PLXND1: variants seen among roughly 807,000 people sequenced by gnomAD.
PLXND1 encodes plexin-D1.
In PLXND1, 54 loss-of-function variants were observed where a neutral mutation model predicts 197.7. The ratio of observed to expected loss-of-function variants is 0.27; its 90% CI spans 0.22 to 0.34. PLXND1 has a LOEUF of 0.34. Among genes scored for constraint, PLXND1 ranks in the 10% least tolerant of loss-of-function variants. The pLI, the probability that PLXND1 is intolerant of heterozygous loss-of-function variation, is 1.00. For synonymous variants in PLXND1, 1,180 were observed against 1,161.2 expected (o/e 1.02, Z -0.33); for missense variants, 2,127 against 2,699.2 (o/e 0.79, Z 4.70).
chr3:129,605,881 G>A lies in PLXND1; in HGVS notation c.759C>T (p.Phe253=), dbSNP rs776115608. ...CGTCGGAGGGGTTGAGGTCGAAGGT[G>A]AAGAGCTTGGCCAGGTCGCCGCGCG... ...LDTRGDLAKL[F]TFDLNPSDDN... The change falls in exon 1 of 36, where the codon TTC becomes TTT. Residue 253 remains phenylalanine (F), a synonymous_variant. Coordinates refer to ENST00000324093, the MANE Select transcript of PLXND1 (RefSeq NM_015103.3). The A allele has an allele frequency of 6.2e-7, 1 of 1,613,586 alleles. No homozygotes were observed. The highest frequency in any genetic ancestry group is 8.5e-7 in the Non-Finnish European group (1 of 1,179,926).
Position 129,584,178 on chromosome 3 carries a change from GGCC to G in PLXND1, c.2082_2084del (p.Lys694_Ala695delinsAsn). The G allele has an allele frequency of 6.3e-7, 1 of 1,581,376 alleles. No individual in the cohort carries two copies. The highest frequency in any genetic ancestry group is 8.6e-7 in the Non-Finnish European group (1 of 1,162,172). On this transcript the variant is annotated inframe_deletion, in exon 7 of 36. Coordinates refer to ENST00000324093, the MANE Select transcript of PLXND1 (RefSeq NM_015103.3). ...GGCTGCAGTCGTAGATGGTGAAATT[GGCC>G]TTGACGATGTTCCGCCCATTGACCC...
At position 129,606,076 on chromosome 3, in the gene PLXND1, G is replaced by A. The variant is rs754011473; in HGVS notation, c.564C>T (p.Asn188=). 1.9e-6 allele frequency: 3 copies of A among 1,561,016 alleles called. No individual in the cohort carries two copies. The East Asian group carries it at 7.0e-5, about 37-fold the overall frequency. ...GCAGAACTAGCCCCACGGTGGACGC[G>A]TTCGGGTGGTTGGCCGCCACGTTCA... The part of the protein sequence containing the change: ...SMLNVAANHP[N]ASTVGLVLPP... Residue 188 remains asparagine, a synonymous_variant, in exon 1 of 36, where the codon AAC becomes AAT. Coordinates refer to ENST00000324093, the MANE Select transcript of PLXND1 (RefSeq NM_015103.3).
chr3:129,556,783 C>A, intron 34 of PLXND1, 92 bp from the exon 35 acceptor site: 1 of 898,466 alleles, frequency 1.1e-6, no homozygotes, highest in Non-Finnish European at 1.8e-6. Context: ...CAATCCCCAA[C>A]TCCCCACGGC....
chr3:129,605,487 GAGC>G lies in PLXND1; in HGVS notation c.1150_1152del (p.Ala384del). ...AAGCGGAAGGCGCAGAGTGCGGCCGGAGCAGCGCGGGCCGCGGGGGACCCCTGG... is the reference window on the plus strand; with the variant it reads ...AAGCGGAAGGCGCAGAGTGCGGCCGGAGCGCGGGCCGCGGGGGACCCCTGG... On this transcript the variant is annotated inframe_deletion, in exon 1 of 36. Transcript: ENST00000324093. 1 of 1,494,812 alleles carries G rather than the reference GAGC, an allele frequency of 6.7e-7. No homozygotes were observed. Among genetic ancestry groups the G allele is most frequent in the South Asian group, 1.3e-5 (1 of 78,308 alleles). The allele number at this position is 1,494,812 out of a possible 1,614,324, so 92.6% of individuals were successfully genotyped here.
chr3:129,596,408 C>G (rs549214669), intron 1 of PLXND1, among the ~76,000 whole-genome samples: 145 of 152,312 alleles, frequency 9.5e-4, no homozygotes, highest in Middle Eastern at 3.4e-3. Flanking sequence ...CCTAGACACC[C>G]AGCTCCCCCT....
intron 8 of PLXND1, among the ~76,000 whole-genome samples, chr3:129,583,012 C>T (rs572698698): frequency 6.6e-5 from 10 of 152,176 alleles, no homozygotes; most frequent in Non-Finnish European, 1.2e-4. Context: ...CGCCACTGCT[C>T]GTGCAGAAAC....
chr3:129,581,096 G>A (rs1454082499), intron 8 of PLXND1, among the ~76,000 whole-genome samples: 1 of 152,108 alleles, frequency 6.6e-6, no homozygotes, highest in Non-Finnish European at 1.5e-5. Flanking sequence ...GGAGACTCAG[G>A]CCCTAGCACC....
intron 8 of PLXND1, among the ~76,000 whole-genome samples, chr3:129,579,584 C>T (rs373407939): frequency 2.0e-5 from 3 of 152,182 alleles, no homozygotes; most frequent in Admixed American, 1.3e-4. Flanking sequence ...CTCCTGCTCC[C>T]GAATCTGACC....
rs368778823 is a variant in PLXND1, at chr3:129,558,552, T to C, written c.5321A>G (p.Asn1774Ser). The change falls in exon 33 of 36, where the codon AAC becomes AGC. Residue 1774 changes from asparagine to serine, a missense_variant. By Grantham distance (46) the Asn-to-Ser change is conservative (BLOSUM62 1). Transcript: ENST00000324093. This position sits in a 1 kb window ranked among gnomAD's most constrained non-coding sequence, Gnocchi z 4.1. The part of the protein sequence containing the change: ...TNSLPLRFWV[N>S]ILKNPQFVFD... ...GACAAACTGGGGGTTCTTCAGGATGTTCACCCAGAACCGGAGAGGAAGGCT... is the reference window on the plus strand; with the variant it reads ...GACAAACTGGGGGTTCTTCAGGATGCTCACCCAGAACCGGAGAGGAAGGCT... 8.1e-6 allele frequency: 13 copies of C among 1,613,816 alleles called. No individual in the cohort carries two copies. The highest frequency in any genetic ancestry group is 1.0e-5 in the Non-Finnish European group (12 of 1,179,952).
intron 1 of PLXND1, 34 bp from the exon 2 acceptor site, chr3:129,589,561 CAG>C (rs1167109207): frequency 6.6e-7 from 1 of 1,517,606 alleles, no homozygotes; most frequent in Non-Finnish European, 8.8e-7. Context: ...ATCCCAGCTC[CAG>C]AACCTTCTCC....
intron 8 of PLXND1, among the ~76,000 whole-genome samples, chr3:129,580,913 G>C (rs923425675): frequency 1.3e-5 from 2 of 151,650 alleles, no homozygotes; most frequent in African/African-American, 2.4e-5. Flanking sequence ...ACACCTATGA[G>C]TGGTCCTTGG....
Position 129,569,939 on chromosome 3 carries a change from T to G in PLXND1, c.3769A>C (p.Asn1257His). The change falls in exon 20 of 36, where the codon AAC becomes CAC. Residue 1257 changes from asparagine (N) to histidine (H), a missense_variant. Asn to His is a moderately conservative substitution (Grantham distance 68). Transcript: ENST00000324093. The part of the protein sequence containing the change: ...LPITIQVGNF[N>H]QTIATLQLGG... ...AGCTGCAGTGTGGCGATGGTCTGGT[T>G]GAAGTTCCCTACCTGGATCTGTGCA... The G allele has an allele frequency of 6.2e-7, 1 of 1,608,964 alleles. No individual in the cohort carries two copies. Among genetic ancestry groups the G allele is most frequent in the Non-Finnish European group, 8.5e-7 (1 of 1,175,518 alleles).
In PLXND1 at chr3:129,605,358, G is replaced by C. The variant is rs1304640635; in HGVS notation, c.1282C>G (p.Pro428Ala). ...ATGTTGAGCTTGCGCTCACAGGCCG[G>C]TCCCGTGCCCTGCACCACGCTGTCG... is the stretch of plus-strand genomic sequence containing the variant. ...VLDSVVQGTG[P>A]ACERKLNIQL... is the part of the protein sequence containing the mutation. The change falls in exon 1 of 36, where the codon CCG (proline) becomes GCG (alanine). Residue 428 changes from proline (P) to alanine (A), a missense_variant. This residue lies in a region of PLXND1 where 1,095 missense variants were observed against 1,259.8 expected (regional missense o/e 0.87). Transcript: ENST00000324093. 5 of 1,479,862 alleles carry C rather than the reference G, an allele frequency of 3.4e-6. 1 individual carries two copies. The South Asian group carries it at 6.4e-5, about 19-fold the overall frequency. The allele number at this position is 1,479,862 out of a possible 1,614,324, so 91.7% of individuals were successfully genotyped here.
intron 8 of PLXND1, among the ~76,000 whole-genome samples, chr3:129,578,816 CT>C (rs1461385855): frequency 2.6e-5 from 4 of 152,206 alleles, no homozygotes; most frequent in African/African-American, 9.6e-5. Flanking sequence ...GCTGCACCCA[CT>C]CCCTGAGATG....
chr3:129,572,872 C>T lies in PLXND1; in HGVS notation c.2907G>A (p.Glu969=), dbSNP rs138766960. ...AGGAGAAGCGGTCCCGGGACTTGCCCTCCTTAGAGGCGTTCACGGTCACCA... is the reference window on the plus strand; with the variant it reads ...AGGAGAAGCGGTCCCGGGACTTGCCTTCCTTAGAGGCGTTCACGGTCACCA... ...SGVVTVNASK[E]GKSRDRFSYV... is the part of the protein sequence containing the mutation. The change falls in exon 14 of 36, where the codon GAG becomes GAA. Residue 969 remains glutamate, a synonymous_variant. Coordinates refer to ENST00000324093, the MANE Select transcript of PLXND1 (RefSeq NM_015103.3). 3.1e-6 allele frequency: 5 copies of T among 1,613,904 alleles called. No homozygotes were observed. In the South Asian group the frequency reaches 4.4e-5, roughly 14 times the overall value.
chr3:129,571,580 C>T lies in PLXND1; in HGVS notation c.3265G>A (p.Val1089Met), dbSNP rs774922192. The change falls in exon 17 of 36, where the codon GTG becomes ATG. Residue 1089 changes from valine (V) to methionine (M), a missense_variant. Coordinates refer to ENST00000324093, the MANE Select transcript of PLXND1 (RefSeq NM_015103.3). ...SPVSGGRTIT[V>M]AGERFHMVQN... Reference sequence around the variant, plus strand: ...ACCATGTGGAAACGCTCACCAGCCACTGTGATGGTCCTGCCGCCACTGCGG... The same window carrying T: ...ACCATGTGGAAACGCTCACCAGCCATTGTGATGGTCCTGCCGCCACTGCGG... 4 of 1,613,898 alleles carry T rather than the reference C, an allele frequency of 2.5e-6. No individual in the cohort carries two copies. In the African/African-American group the frequency reaches 4.0e-5, roughly 16 times the overall value.
In PLXND1 at chr3:129,573,665, G is replaced by A. The variant is rs2085269591; in HGVS notation, c.2766C>T (p.Asp922=). 7 of 1,613,458 alleles carry A rather than the reference G, an allele frequency of 4.3e-6. No homozygotes were observed. Among genetic ancestry groups the A allele is most frequent in the South Asian group, 2.2e-5 (2 of 91,080 alleles). ...RGRNLGRRLS[D]VAHGVWIGGV... is the part of the protein sequence containing the mutation. ...CACCAATCCACACGCCGTGGGCCAC[G>A]TCACTGAGCCGCCGGCCCAGGTTCC... Residue 922 remains aspartate (D), a synonymous_variant, in exon 13 of 36, where the codon GAC becomes GAT. Coordinates refer to ENST00000324093, the MANE Select transcript of PLXND1 (RefSeq NM_015103.3).
At chr3:129,591,140 G>A (rs2085535051) in intron 1 of PLXND1, among the ~76,000 whole-genome samples, 2 of 152,230 alleles carry the variant, frequency 1.3e-5, no homozygotes, top group Admixed American at 6.5e-5. Context: ...GTCCCTGGGG[G>A]CCAAGCCCTG....
intron 1 of PLXND1, among the ~76,000 whole-genome samples, chr3:129,592,730 AAT>A (rs1269676399): frequency 6.6e-6 from 1 of 152,244 alleles, no homozygotes; most frequent in Non-Finnish European, 1.5e-5. Context: ...AATTTTAAAA[AAT>A]TTTTTTAAAG....
Sources: gnomAD v4.1 joint callset for allele counts (sites outside exome capture counted in the v4.1 genomes callset) on GRCh38, gnomAD v4.1.1 for gene constraint, gnomAD v4.1.1 regional missense constraint, Gnocchi (gnomAD v3.1) non-coding constraint, MANE v1.5 for transcripts, NCBI Gene and HGNC (gene_info 2026-07-23, HGNC 2026-07-21) for gene names.